The following SLC1A4 variants were observed in gnomAD, a reference collection of about 807,000 sequenced individuals.
SLC1A4 encodes neutral amino acid transporter A.
SLC1A4 carries 19 observed loss-of-function variants against 37.7 expected under a neutral mutation model. That is an observed-to-expected ratio of 0.50 (90% confidence interval 0.35 to 0.74). SLC1A4 has a LOEUF of 0.74. Among genes scored for constraint, SLC1A4 ranks in the 30% least tolerant of loss-of-function variants. SLC1A4 has a pLI of 0.01. For missense variants in SLC1A4, 570 were observed against 712.9 expected (o/e 0.80, Z 2.28); for synonymous variants, 299 against 309.8 (o/e 0.97, Z 0.37).
chr2:65,001,376 T>C, intron 1 of SLC1A4, 72 bp from the exon 2 acceptor site: 6 of 1,411,034 alleles, frequency 4.3e-6, no homozygotes, highest in Non-Finnish European at 6.0e-6. Context: ...CACTCCAGCC[T>C]GGGCAACAGG....
intron 3 of SLC1A4, among the ~76,000 whole-genome samples, chr2:65,010,373 G>A (rs1471966056): frequency 6.6e-6 from 1 of 152,218 alleles, no homozygotes; most frequent in African/African-American, 2.4e-5. Flanking sequence ...AGCTTTCAGA[G>A]TTAACTAGAA....
intron 1 of SLC1A4, among the ~76,000 whole-genome samples, chr2:64,997,076 CT>C (rs1673285217): frequency 6.6e-6 from 1 of 152,062 alleles, no homozygotes; most frequent in South Asian, 2.1e-4. Context: ...TCTCCTTGCC[CT>C]TGGTGACAGC....
At chr2:65,016,157 G>A (rs1674118906) in intron 4 of SLC1A4, among the ~76,000 whole-genome samples, 1 of 152,138 alleles carries the variant, frequency 6.6e-6, no homozygotes, top group Non-Finnish European at 1.5e-5. Context: ...CCTGTGACTG[G>A]TAGCATCCTT....
Position 65,018,751 on chromosome 2 carries a change from C to G in SLC1A4, c.1364+72C>G, listed in dbSNP as rs1674289470. ...CCCTAGGAGCTTAGCACTGCTGGGC[C>G]TGGGCCATGCAGAGAAACTTCAGAC... On this transcript the variant is annotated intron_variant, in intron 7 of 7. Transcript: ENST00000234256. The surrounding 1 kb of genome is among the most constrained non-coding windows in gnomAD (Gnocchi z 4.3). The G allele has an allele frequency of 2.6e-6, 4 of 1,554,574 alleles. No individual in the cohort carries two copies. Among genetic ancestry groups the G allele is most frequent in the Non-Finnish European group, 1.8e-6 (2 of 1,140,888 alleles).
At chr2:65,014,389 G>GA (rs993399473) in intron 4 of SLC1A4, among the ~76,000 whole-genome samples, 2 of 152,190 alleles carry the variant, frequency 1.3e-5, no homozygotes, top group Non-Finnish European at 2.9e-5. Context: ...TAAGGGAAAT[G>GA]AAAATTTGGT....
rs1672954064 is a variant in SLC1A4, at chr2:64,989,462, C to T, written c.-182C>T. On this transcript the variant is annotated 5_prime_UTR_variant, in exon 1 of 8. Transcript: ENST00000234256. ...ATCCTCTCCGCCCGCGGCTCCAACC[C>T]GCACTCTGCGCCTCTCCTCGCCTTT... 2 of 482,054 alleles carry T rather than the reference C, an allele frequency of 4.1e-6. No individual in the cohort carries two copies. Among genetic ancestry groups the T allele is most frequent in the South Asian group, 5.6e-5 (1 of 17,858 alleles). The allele number at this position is 482,054 out of a possible 1,614,324, so 29.9% of individuals were successfully genotyped here. A position where few individuals can be genotyped will look rare whatever the true frequency, so the allele number is the denominator to read the frequency against.
intron 1 of SLC1A4, among the ~76,000 whole-genome samples, chr2:64,994,113 G>A (rs1391011712): frequency 6.6e-6 from 1 of 152,230 alleles, no homozygotes; most frequent in Non-Finnish European, 1.5e-5. Flanking sequence ...CTATGTTTTA[G>A]ACTACTAATT....
intron 1 of SLC1A4, chr2:65,000,187 T>C (rs1224729711): frequency 1.3e-5 from 2 of 152,230 alleles, no homozygotes; most frequent in African/African-American, 4.8e-5. Flanking sequence ...ACAAATGGAC[T>C]GTCAGCTGGA....
intron 3 of SLC1A4, among the ~76,000 whole-genome samples, chr2:65,009,748 G>T (rs1673838228): frequency 6.6e-6 from 1 of 152,182 alleles, no homozygotes; most frequent in African/African-American, 2.4e-5. Flanking sequence ...AAAAAATTAA[G>T]AATACAGTAT....
Position 65,016,497 on chromosome 2 carries a change from C to A in SLC1A4, c.858C>A (p.Asp286Glu). The A allele has an allele frequency of 6.2e-7, 1 of 1,614,232 alleles. No individual in the cohort carries two copies. Among genetic ancestry groups the A allele is most frequent in the Non-Finnish European group, 8.5e-7 (1 of 1,180,038 alleles). The part of the protein sequence containing the change: ...LVGSKIVEMK[D>E]IIVLVTSLGK... The stretch of plus-strand genomic sequence containing the variant: ...GAAGCAAGATCGTGGAAATGAAAGA[C>A]ATCATCGTGCTGGTGACCAGCCTGG... The change falls in exon 5 of 8, where the codon GAC (aspartate) becomes GAA (glutamate). Residue 286 changes from aspartate (D) to glutamate (E), a missense_variant. Physicochemically the swap from Asp to Glu is conservative, Grantham distance 45 (BLOSUM62 2). Transcript: ENST00000234256.
rs1170837676 is a variant in SLC1A4 at position 65,021,625 on chromosome 2, G to C, written c.*479G>C. The C allele has an allele frequency of 6.2e-6, 1 of 161,424 alleles. No individual in the cohort carries two copies. The highest frequency in any genetic ancestry group is 1.4e-5 in the Non-Finnish European group (1 of 73,718). 10.0% of individuals were successfully genotyped at this position (161,424 alleles called of 1,614,324 possible). A position where few individuals can be genotyped will look rare whatever the true frequency, so the allele number is the denominator to read the frequency against. Reference sequence around the variant, plus strand: ...AAATTCTTAGCCATGGCTGGCCTTTGCTGAGCTGGGACTCAGGTGTTTAAA... The same window carrying C: ...AAATTCTTAGCCATGGCTGGCCTTTCCTGAGCTGGGACTCAGGTGTTTAAA... On this transcript the variant is annotated 3_prime_UTR_variant, in exon 8 of 8. Coordinates refer to ENST00000234256, the MANE Select transcript of SLC1A4 (RefSeq NM_003038.5).
At position 65,007,360 on chromosome 2, in the gene SLC1A4, G is replaced by A. The variant is rs182134512; in HGVS notation, c.634-3237G>A. 4.2e-3 allele frequency among the ~76,000 whole-genome samples: 634 copies of A among 152,128 alleles called. 1 individual carries two copies. The highest frequency in any genetic ancestry group is 0.01 in the Middle Eastern group (3 of 294). On this transcript the variant is annotated intron_variant, in intron 3 of 7. Transcript: ENST00000234256. ...CTGATCAGGTGAGGGAGGAGCTATG[G>A]GGAGATGTGGGGGAAAAGTGATGTA...
At chr2:65,001,344 G>T (rs1673451097) in intron 1 of SLC1A4, 104 bp from the exon 2 acceptor site, 3 of 1,025,578 alleles carry the variant, frequency 2.9e-6, no homozygotes, top group Middle Eastern at 2.3e-4. Context: ...CAAGGCTGCA[G>T]TGAGCTGCAA....
In SLC1A4 at chr2:65,022,961, G is replaced by T. The variant is rs1456930952; in HGVS notation, c.*1815G>T. On this transcript the variant is annotated 3_prime_UTR_variant, in exon 8 of 8. Coordinates refer to ENST00000234256, the MANE Select transcript of SLC1A4 (RefSeq NM_003038.5). ...GGGTAGATGGAACGGAGACCATCAA[G>T]CCACACCCCCTTCTTAAAACTGGGG... is the stretch of plus-strand genomic sequence containing the variant. The T allele has an allele frequency of 6.6e-6, 1 of 152,210 alleles. No individual in the cohort carries two copies. Among genetic ancestry groups the T allele is most frequent in the Non-Finnish European group, 1.5e-5 (1 of 68,072 alleles). The allele number at this position is 152,210 out of a possible 1,614,324, so 9.4% of individuals were successfully genotyped here.
chr2:65,004,394 C>T (rs1334356030), intron 3 of SLC1A4, among the ~76,000 whole-genome samples: 1 of 151,926 alleles, frequency 6.6e-6, no homozygotes. Flanking sequence ...GGACTACAGA[C>T]ATGTGCCACC....
chr2:65,008,059 T>C (rs955655830), intron 3 of SLC1A4, among the ~76,000 whole-genome samples: 12 of 152,222 alleles, frequency 7.9e-5, no homozygotes, highest in African/African-American at 2.9e-4. Context: ...AGCTCCCACA[T>C]ATGAGAACAT....
chr2:65,016,653 A>G lies in SLC1A4; in HGVS notation c.1014A>G (p.Thr338=). 6.2e-7 allele frequency: 1 copy of G among 1,614,072 alleles called. No homozygotes were observed. Among genetic ancestry groups the G allele is most frequent in the Non-Finnish European group, 8.5e-7 (1 of 1,179,896 alleles). Residue 338 remains threonine (T), a synonymous_variant, in exon 5 of 8, where the codon ACA becomes ACG. Coordinates refer to ENST00000234256, the MANE Select transcript of SLC1A4 (RefSeq NM_003038.5). The stretch of plus-strand genomic sequence containing the variant: ...TGGGCCTCCTCGCCCCATTTGCGAC[A>G]GCATTTGCTACCTGCTCCAGGTGAG... The part of the protein sequence containing the change: ...FLLGLLAPFA[T]AFATCSSSAT...
intron 3 of SLC1A4, among the ~76,000 whole-genome samples, chr2:65,009,012 T>A (rs1673796614): frequency 6.6e-6 from 1 of 152,134 alleles, no homozygotes; most frequent in Non-Finnish European, 1.5e-5. Context: ...AAGTGATATC[T>A]ATCAACATAA....
intron 5 of SLC1A4, among the ~76,000 whole-genome samples, chr2:65,017,369 G>C (rs911741396): frequency 3.3e-5 from 5 of 151,706 alleles, no homozygotes; most frequent in Non-Finnish European, 5.9e-5. Context: ...AAAACACTGG[G>C]TTTTCCAAAT....
Sources: gnomAD v4.1 joint callset for allele counts (sites outside exome capture counted in the v4.1 genomes callset) on GRCh38, gnomAD v4.1.1 for gene constraint, Gnocchi (gnomAD v3.1) non-coding constraint, MANE v1.5 for transcripts, NCBI Gene and HGNC (gene_info 2026-07-23, HGNC 2026-07-21) for gene names.